Variants in CFAP299 observed in about 807,000 individuals in gnomAD.
The protein encoded by CFAP299 is cilia- and flagella-associated protein 299.
Under a neutral mutation model 27.0 loss-of-function variants are expected in CFAP299, and 21 were observed. The observed-to-expected ratio is 0.78, with a 90% CI of 0.55 to 1.12. The LOEUF is 1.12. Ranked by LOEUF, CFAP299 falls within the 50% of genes most tolerant of loss-of-function variation. The pLI is 0.00. For missense variants in CFAP299, 310 were observed against 276.6 expected (o/e 1.12, Z -0.86); for synonymous variants, 104 against 98.1 (o/e 1.06, Z -0.36).
At chr4:80,827,804 A>G (rs1410889153) in intron 3 of CFAP299, among the ~76,000 whole-genome samples, 2 of 152,036 alleles carry the variant, frequency 1.3e-5, no homozygotes, top group African/African-American at 4.8e-5. Flanking sequence ...AGAAAACCCT[A>G]CAGGTTCCAC....
chr4:80,708,102 C>T (rs1484358059), intron 3 of CFAP299, among the ~76,000 whole-genome samples: 1 of 151,906 alleles, frequency 6.6e-6, no homozygotes, highest in Non-Finnish European at 1.5e-5. Context: ...CTAGAATATC[C>T]AGGCTGCATC....
intron 2 of CFAP299, among the ~76,000 whole-genome samples, chr4:80,484,837 T>C (rs1166051396): frequency 6.6e-6 from 1 of 152,098 alleles, no homozygotes; most frequent in Non-Finnish European, 1.5e-5. Flanking sequence ...AAAATAAATA[T>C]TTTTCCTGTG....
intron 2 of CFAP299, among the ~76,000 whole-genome samples, chr4:80,582,221 T>A: frequency 6.6e-6 from 1 of 151,910 alleles, no homozygotes; most frequent in Admixed American, 6.6e-5. Context: ...GACTTTTCAT[T>A]GAATAAGATA....
chr4:80,839,839 C>G (rs1275814431), intron 3 of CFAP299, among the ~76,000 whole-genome samples: 2 of 152,010 alleles, frequency 1.3e-5, no homozygotes, highest in Non-Finnish European at 2.9e-5. Context: ...GCCCATATGC[C>G]TTTCTTGTGT....
chr4:80,748,954 T>C (rs1724770414), intron 3 of CFAP299, among the ~76,000 whole-genome samples: 1 of 152,216 alleles, frequency 6.6e-6, no homozygotes, highest in South Asian at 2.1e-4. Flanking sequence ...TACAACAGTA[T>C]GAATACCATA....
intron 3 of CFAP299, among the ~76,000 whole-genome samples, chr4:80,644,795 G>A (rs1362886497): frequency 1.3e-5 from 2 of 152,046 alleles, no homozygotes; most frequent in Non-Finnish European, 2.9e-5. Flanking sequence ...CCCACTGCCT[G>A]CCCTTACAAG....
chr4:80,736,347 C>T (rs1454986797), intron 3 of CFAP299, among the ~76,000 whole-genome samples: 1 of 152,018 alleles, frequency 6.6e-6, no homozygotes, highest in African/African-American at 2.4e-5. Context: ...GAATCCTTTC[C>T]CCATTGCTTG....
At chr4:80,910,340 A>G (rs1251760989) in intron 4 of CFAP299, among the ~76,000 whole-genome samples, 1 of 152,158 alleles carries the variant, frequency 6.6e-6, no homozygotes, top group African/African-American at 2.4e-5. Context: ...GTATATATGT[A>G]AAGGAATATA....
chr4:80,351,804 A>T (rs1383780564), intron 1 of CFAP299, among the ~76,000 whole-genome samples: 4 of 150,706 alleles, frequency 2.7e-5, no homozygotes, highest in Non-Finnish European at 5.9e-5. Flanking sequence ...TGTTATAGTT[A>T]TAGTAATATA....
At chr4:80,474,776 T>G (rs1016062636) in intron 2 of CFAP299, among the ~76,000 whole-genome samples, 3 of 152,232 alleles carry the variant, frequency 2.0e-5, no homozygotes, top group African/African-American at 7.2e-5. Context: ...ATGGAAGTAT[T>G]CTAGGTTCTA....
At chr4:80,901,205 G>A (rs1032871350) in intron 4 of CFAP299, among the ~76,000 whole-genome samples, 4 of 152,118 alleles carry the variant, frequency 2.6e-5, no homozygotes, top group Admixed American at 2.0e-4. Flanking sequence ...ATCACAATCT[G>A]AAATGTAATT....
chr4:80,758,617 C>T (rs957890173), intron 3 of CFAP299, among the ~76,000 whole-genome samples: 1 of 152,146 alleles, frequency 6.6e-6, no homozygotes, highest in Non-Finnish European at 1.5e-5. Flanking sequence ...ATCACTTCCT[C>T]ATAGACCTAT....
intron 2 of CFAP299, among the ~76,000 whole-genome samples, chr4:80,409,589 A>G (rs1285917012): frequency 6.6e-6 from 1 of 152,202 alleles, no homozygotes; most frequent in Non-Finnish European, 1.5e-5. Context: ...ATCAAGATGT[A>G]TTGATGGTTA....
chr4:80,595,308 A>G (rs933209435), intron 3 of CFAP299, among the ~76,000 whole-genome samples: 1 of 149,916 alleles, frequency 6.7e-6, no homozygotes, highest in East Asian at 1.9e-4. Flanking sequence ...TAGCACAGAT[A>G]TATTTGTATT....
intron 3 of CFAP299, among the ~76,000 whole-genome samples, chr4:80,746,798 C>T (rs1724633390): frequency 6.6e-6 from 1 of 151,942 alleles, no homozygotes; most frequent in Non-Finnish European, 1.5e-5. Context: ...ATTATATAAT[C>T]TTATTTATAA....
intron 2 of CFAP299, among the ~76,000 whole-genome samples, chr4:80,438,258 C>T (rs1011029858): frequency 1.3e-5 from 2 of 152,226 alleles, no homozygotes; most frequent in Admixed American, 6.5e-5. Context: ...GTGAGTAAGT[C>T]ATGAGGCTGT....
intron 3 of CFAP299, among the ~76,000 whole-genome samples, chr4:80,836,753 G>T (rs927099615): frequency 2.8e-4 from 42 of 152,072 alleles, no homozygotes; most frequent in Non-Finnish European, 4.6e-4. Flanking sequence ...GAGGGGGCAT[G>T]ATTCTGCCTG....
chr4:80,387,085 G>T (rs1381527491), intron 2 of CFAP299: 2 of 1,441,788 alleles, frequency 1.4e-6, no homozygotes, highest in African/African-American at 2.8e-5. Context: ...GTGGCGGTCT[G>T]CAGGTGATGC....
chr4:80,903,855 C>T (rs559751427), intron 4 of CFAP299, among the ~76,000 whole-genome samples: 2 of 152,178 alleles, frequency 1.3e-5, no homozygotes, highest in Admixed American at 1.3e-4. Context: ...TTATTTCCCT[C>T]ATTTACATAG....
Sources: gnomAD v4.1 joint callset for allele counts (sites outside exome capture counted in the v4.1 genomes callset) on GRCh38, gnomAD v4.1.1 for gene constraint, MANE v1.5 for transcripts, NCBI Gene and HGNC (gene_info 2026-07-23, HGNC 2026-07-21) for gene names.